Variants in SQOR observed in about 807,000 individuals in gnomAD.
The protein encoded by SQOR is sulfide:quinone oxidoreductase, mitochondrial.
In SQOR, 39 loss-of-function variants were observed where a neutral mutation model predicts 48.6. That is an observed-to-expected ratio of 0.80 (90% confidence interval 0.62 to 1.05). The LOEUF (loss-of-function observed/expected upper bound fraction) is 1.05, where lower values mean the gene tolerates loss of function less well. SQOR is among the 50% of genes least tolerant of loss of function. The probability of loss-of-function intolerance (pLI) is 0.00; values close to 1 mark genes in which losing one functional copy is unlikely to be tolerated. For missense variants in SQOR, 561 were observed against 559.9 expected (o/e 1.00, Z -0.02); for synonymous variants, 220 against 206.2 (o/e 1.07, Z -0.57).
chr15:45,643,947 G>A (rs1895150335), intron 1 of SQOR, among the ~76,000 whole-genome samples: 1 of 152,100 alleles, frequency 6.6e-6, no homozygotes, highest in African/African-American at 2.4e-5. Flanking sequence ...AGCGGTTACT[G>A]CCTTAAAAAC....
chr15:45,658,891 G>C lies in SQOR; in HGVS notation c.-17-16G>C, dbSNP rs1420390903. ...TTTCTACCTTGGCACTCACAGCCCT[G>C]TCTCTTCCCTTCCAGCCTGATCCTG... On this transcript the variant is annotated splice_polypyrimidine_tract_variant and intron_variant, in intron 1 of 9. Transcript: ENST00000260324. The C allele has an allele frequency of 6.7e-7, 1 of 1,482,452 alleles. No individual in the cohort carries two copies. The highest frequency in any genetic ancestry group is 1.4e-5 in the African/African-American group (1 of 71,600). 91.8% of individuals were successfully genotyped at this position (1,482,452 alleles called of 1,614,324 possible).
At chr15:45,654,917 T>C (rs1031172666) in intron 1 of SQOR, among the ~76,000 whole-genome samples, 2 of 152,172 alleles carry the variant, frequency 1.3e-5, no homozygotes, top group African/African-American at 4.8e-5. Flanking sequence ...CACCCTCATC[T>C]TATTATGCAA....
intron 2 of SQOR, among the ~76,000 whole-genome samples, chr15:45,661,557 A>G (rs111684452): frequency 1.4e-3 from 220 of 152,270 alleles, no homozygotes; most frequent in African/African-American, 5.1e-3. Context: ...CTGTCTCCAC[A>G]TGCTCCTGAG....
chr15:45,634,228 A>ATATATATAT (rs1894955246), upstream of SQOR, among the ~76,000 whole-genome samples: 2 of 134,302 alleles, frequency 1.5e-5, no homozygotes, highest in African/African-American at 2.7e-5. Context: ...ATATATATTC[A>ATATATATAT]AAATTCATAA....
intron 1 of SQOR, chr15:45,645,777 T>C (rs1452240914): frequency 6.6e-6 from 1 of 152,248 alleles, no homozygotes; most frequent in Non-Finnish European, 1.5e-5. Context: ...TCCAGGAATG[T>C]CCTTCATGTA....
chr15:45,688,468 T>C (rs1890261445), intron 8 of SQOR, 64 bp downstream of exon 8: 1 of 1,263,324 alleles, frequency 7.9e-7, no homozygotes, highest in Non-Finnish European at 1.1e-6. Flanking sequence ...AAAAGTAGTG[T>C]TTTCCCACAA....
chr15:45,659,148 G>C lies in SQOR; in HGVS notation c.225G>C (p.Glu75Asp). The C allele has an allele frequency of 6.5e-7, 1 of 1,532,322 alleles. No individual in the cohort carries two copies. The highest frequency in any genetic ancestry group is 8.8e-7 in the Non-Finnish European group (1 of 1,133,148). 94.9% of individuals were successfully genotyped at this position (1,532,322 alleles called of 1,614,324 possible). The change falls in exon 2 of 10, where the codon GAG (glutamate) becomes GAC (aspartate). Residue 75 changes from glutamate (E) to aspartate (D), a missense_variant. Glu to Asp is a conservative substitution (Grantham distance 45). Coordinates refer to ENST00000260324, the MANE Select transcript of SQOR (RefSeq NM_021199.4). ...GTGCAGAGAATGTGGCCATTGTTGA[G>C]CCCAGTGAGGTAAGCCTCCCCTTTT... ...KVGAENVAIV[E>D]PSERHFYQPI...
chr15:45,682,272 A>C (rs189999158), intron 6 of SQOR, among the ~76,000 whole-genome samples: 1 of 152,324 alleles, frequency 6.6e-6, no homozygotes, highest in East Asian at 1.9e-4. Context: ...GATCACGTCA[A>C]CTGAGAGAAT....
intron 1 of SQOR, among the ~76,000 whole-genome samples, chr15:45,648,560 T>C (rs1889394330): frequency 6.6e-6 from 1 of 152,188 alleles, no homozygotes; most frequent in South Asian, 2.1e-4. Flanking sequence ...TAACTGATAA[T>C]AGCATTAGGG....
Position 45,688,324 on chromosome 15 carries a change from A to G in SQOR, c.1049-13A>G, listed in dbSNP as rs745584564. On this transcript the variant is annotated splice_polypyrimidine_tract_variant and intron_variant, in intron 7 of 9. Coordinates refer to ENST00000260324, the MANE Select transcript of SQOR (RefSeq NM_021199.4). ...ATGCTTACATTTTTCTGACTTTCCCATTTCTCTTATAGCTGCCCAGTCAGG... is the reference window on the plus strand; with the variant it reads ...ATGCTTACATTTTTCTGACTTTCCCGTTTCTCTTATAGCTGCCCAGTCAGG... The G allele has an allele frequency of 1.3e-6, 2 of 1,581,664 alleles. No homozygotes were observed. Among genetic ancestry groups the G allele is most frequent in the Non-Finnish European group, 1.7e-6 (2 of 1,168,032 alleles).
At chr15:45,654,862 A>G (rs888209854) in intron 1 of SQOR, among the ~76,000 whole-genome samples, 3 of 152,064 alleles carry the variant, frequency 2.0e-5, no homozygotes, top group Non-Finnish European at 4.4e-5. Context: ...GATTGGTTTG[A>G]TCAGGTATGA....
At chr15:45,669,145 A>G (rs1290998453) in intron 3 of SQOR, among the ~76,000 whole-genome samples, 1 of 148,010 alleles carries the variant, frequency 6.8e-6, no homozygotes, top group African/African-American at 2.5e-5. Context: ...ACTAATATAT[A>G]TTTTTTATAT....
At chr15:45,674,659 A>G (rs1408707352) in intron 5 of SQOR, among the ~76,000 whole-genome samples, 1 of 151,748 alleles carries the variant, frequency 6.6e-6, no homozygotes, top group African/African-American at 2.4e-5. Flanking sequence ...ATGTTCTCAT[A>G]GAACTTTAAA....
intron 1 of SQOR, among the ~76,000 whole-genome samples, chr15:45,646,755 T>C (rs889233146): frequency 6.6e-6 from 1 of 152,170 alleles, no homozygotes; most frequent in African/African-American, 2.4e-5. Context: ...TATATATCCA[T>C]CCACTGATTT....
In SQOR at chr15:45,689,081, C is replaced by T. The variant is rs762460219; in HGVS notation, c.1159C>T (p.Arg387Cys). 31 of 1,614,034 alleles carry T rather than the reference C, an allele frequency of 1.9e-5. No homozygotes were observed. Among genetic ancestry groups the T allele is most frequent in the South Asian group, 3.3e-5 (3 of 91,088 alleles). ...TSCPLVTGYN[R>C]VILAEFDYKA... The stretch of plus-strand genomic sequence containing the variant: ...ATGTCCACTGGTGACCGGCTACAAC[C>T]GTGTGATTCTTGCTGAGTTTGACTA... Residue 387 changes from arginine (R) to cysteine (C), a missense_variant, in exon 9 of 10, where the codon CGT becomes TGT. Arg to Cys is a radical substitution (Grantham distance 180). Transcript: ENST00000260324.
rs1301549964 is a variant in SQOR at position 45,672,231 on chromosome 15, T to C, written c.460-1376T>C. Among the ~76,000 whole-genome samples, 4 of 152,142 alleles carry C rather than the reference T, an allele frequency of 2.6e-5. No individual in the cohort carries two copies. The East Asian group carries it at 5.8e-4, about 22-fold the overall frequency. On this transcript the variant is annotated intron_variant, in intron 4 of 9. Transcript: ENST00000260324. ...GCAGGTGGGCAGAGGCCTTGGTGTC[T>C]GGTTCTTTAAGATTCTGGGCAGGGC...
chr15:45,666,764 C>T (rs1276468345), intron 3 of SQOR, among the ~76,000 whole-genome samples: 2 of 96,190 alleles, frequency 2.1e-5, no homozygotes, highest in Non-Finnish European at 4.2e-5. Flanking sequence ...CTCCTCCCCT[C>T]CCCTTCTCTT....
At position 45,642,782 on chromosome 15, in the gene SQOR, C is replaced by A. The variant is rs115096425; in HGVS notation, c.-18+7674C>A. Among the ~76,000 whole-genome samples the A allele has an allele frequency of 8.7e-3, 1,332 of 152,256 alleles. 16 individuals carry two copies. The highest frequency in any genetic ancestry group is 0.031 in the African/African-American group (1,288 of 41,548). On this transcript the variant is annotated intron_variant, in intron 1 of 9. Transcript: ENST00000260324. ...TTTTCTTCAGCTGTCTAGATGTCAACTTTGACTTTTTTTTTTCTTCCAGAA... is the reference window on the plus strand; with the variant it reads ...TTTTCTTCAGCTGTCTAGATGTCAAATTTGACTTTTTTTTTTCTTCCAGAA...
intron 7 of SQOR, among the ~76,000 whole-genome samples, chr15:45,684,052 C>T (rs1343190335): frequency 6.6e-6 from 1 of 150,564 alleles, no homozygotes; most frequent in Non-Finnish European, 1.5e-5. Context: ...GCTGGTATTA[C>T]AGGCACCCAC....
Sources: allele counts gnomAD v4.1 joint callset (sites outside exome capture counted in the v4.1 genomes callset), GRCh38; gene constraint gnomAD v4.1.1; transcripts MANE v1.5; gene names NCBI Gene and HGNC (gene_info 2026-07-23, HGNC 2026-07-21).